The following FAM193A variants were observed in gnomAD, a reference collection of about 807,000 sequenced individuals.
The protein encoded by FAM193A is protein FAM193A.
FAM193A carries 22 observed loss-of-function variants against 126.5 expected under a neutral mutation model. The observed-to-expected ratio is 0.17, with a 90% CI of 0.12 to 0.25. The LOEUF (loss-of-function observed/expected upper bound fraction) is 0.25, where lower values mean the gene tolerates loss of function less well. Ranked by LOEUF, FAM193A falls within the 10% of genes least tolerant of loss-of-function variation. The probability of loss-of-function intolerance (pLI) is 1.00; values close to 1 mark genes in which losing one functional copy is unlikely to be tolerated. For synonymous variants in FAM193A, 761 were observed against 646.8 expected, an observed-to-expected ratio of 1.18 and a Z score of -2.68; for missense variants, 1,675 against 1,672.8, an observed-to-expected ratio of 1.00 and a Z score of -0.02.
intron 19 of FAM193A, among the ~76,000 whole-genome samples, chr4:2,702,744 G>T (rs1717879438): frequency 6.6e-6 from 1 of 152,174 alleles, no homozygotes. Flanking sequence ...ACAGGTAAAG[G>T]GTTCAGAAGT....
chr4:2,553,338 C>T (rs931654587), intron 1 of FAM193A, among the ~76,000 whole-genome samples: 4 of 151,518 alleles, frequency 2.6e-5, no homozygotes, highest in African/African-American at 7.3e-5. Flanking sequence ...AGCAAGATCC[C>T]GTCTCTAAAA....
intron 19 of FAM193A, among the ~76,000 whole-genome samples, chr4:2,706,896 G>A (rs1380820328): frequency 6.9e-6 from 1 of 145,142 alleles, no homozygotes; most frequent in East Asian, 2.0e-4. Flanking sequence ...CTGGGCAGGC[G>A]GATCACCTGA....
chr4:2,665,539 C>T (rs1322662931), intron 12 of FAM193A, among the ~76,000 whole-genome samples: 1 of 152,142 alleles, frequency 6.6e-6, no homozygotes, highest in Non-Finnish European at 1.5e-5. Flanking sequence ...AACAGAATCT[C>T]ACTCTGTCAC....
rs71178475 is a variant in FAM193A, at chr4:2,550,771, T to TTTTA, written c.255+13646_255+13649dup. Among the ~76,000 whole-genome samples the TTTTA allele has an allele frequency of 9.1e-3, 1,278 of 140,126 alleles. 10 individuals carry two copies. Among genetic ancestry groups the TTTTA allele is most frequent in the Middle Eastern group, 0.022 (6 of 274 alleles). The allele number at this position is 140,126 out of a possible 152,430, so 91.9% of individuals were successfully genotyped here. A position where few individuals can be genotyped will look rare whatever the true frequency, so the allele number is the denominator to read the frequency against. The stretch of plus-strand genomic sequence containing the variant: ...TTGTTTTTGTTTTTTCAATTTATAT[T>TTTTA]TTTATTTATTTATTTATTTATTTAT... On this transcript the variant is annotated intron_variant, in intron 1 of 20. Coordinates refer to ENST00000637812, the MANE Select transcript of FAM193A (RefSeq NM_001366318.2).
chr4:2,631,089 C>A lies in FAM193A; in HGVS notation c.958C>A (p.Gln320Lys). 1.9e-6 allele frequency: 3 copies of A among 1,613,914 alleles called. No homozygotes were observed. The highest frequency in any genetic ancestry group is 2.5e-6 in the Non-Finnish European group (3 of 1,180,002). Residue 320 changes from glutamine (Q) to lysine (K), a missense_variant, in exon 5 of 21, where the codon CAG becomes AAG. By Grantham distance (53) the Gln-to-Lys change is moderately conservative (BLOSUM62 1). Around this residue, in one of 4 missense-constraint regions of FAM193A, gnomAD observed 1,186 missense variants for 1,109.2 expected, o/e 1.07. Coordinates refer to ENST00000637812, the MANE Select transcript of FAM193A (RefSeq NM_001366318.2). ...SGLQGPPQAHQFISLLLEEYG... is the reference protein window; with the variant it reads ...SGLQGPPQAHKFISLLLEEYG... ...CCTGCAGGGCCCGCCGCAAGCGCACCAGTTCATCTCCCTCCTGCTTGAGGA... is the reference window on the plus strand; with the variant it reads ...CCTGCAGGGCCCGCCGCAAGCGCACAAGTTCATCTCCCTCCTGCTTGAGGA...
intron 1 of FAM193A, among the ~76,000 whole-genome samples, chr4:2,583,407 C>G (rs572844644): frequency 5.3e-5 from 8 of 152,204 alleles, no homozygotes; most frequent in Non-Finnish European, 1.0e-4. Flanking sequence ...TAGGTCTCTC[C>G]TGTCCCTCTC....
chr4:2,727,173 C>T (rs563551809), intron 20 of FAM193A, among the ~76,000 whole-genome samples: 206 of 152,042 alleles, frequency 1.4e-3, no homozygotes, highest in Admixed American at 2.8e-3. Flanking sequence ...GCAGGAGAAT[C>T]GCTTGAACCC....
rs1712631147 is a variant in FAM193A, at chr4:2,662,866, T to C, written c.1774T>C (p.Leu592=). 4 of 1,611,426 alleles carry C rather than the reference T, an allele frequency of 2.5e-6. No homozygotes were observed. The highest frequency in any genetic ancestry group is 3.4e-6 in the Non-Finnish European group (4 of 1,177,844). The part of the protein sequence containing the change: ...FCSDDEDVAP[L]SAKFADIYPL... ...TAGTGATGATGAAGATGTTGCACCA[T>C]TGTCAGCCAAATTTGCTGATATTTA... Residue 592 remains leucine, a synonymous_variant, in exon 11 of 21, where the codon TTG becomes CTG. Coordinates refer to ENST00000637812, the MANE Select transcript of FAM193A (RefSeq NM_001366318.2).
At chr4:2,694,486 C>G (rs1404440620) in intron 16 of FAM193A, among the ~76,000 whole-genome samples, 2 of 152,080 alleles carry the variant, frequency 1.3e-5, no homozygotes, top group African/African-American at 2.4e-5. Flanking sequence ...CCAGGCTGAT[C>G]TCGAACTCCT....
At chr4:2,728,895 A>ATTTTTTTTTTT (rs1491485597) in intron 20 of FAM193A, among the ~76,000 whole-genome samples, 4 of 105,710 alleles carry the variant, frequency 3.8e-5, no homozygotes, top group South Asian at 2.7e-4. Flanking sequence ...CACCTCCAAA[A>ATTTTTTTTTTT]CTTTTTTTTT....
chr4:2,694,959 G>A lies in FAM193A; in HGVS notation c.3106G>A (p.Glu1036Lys), dbSNP rs774536793. ...PPSVCSDPDC[E>K]GHRCENGVYD... ...GCGGTTTTGCAGTGACCCTGACTGCGAAGGGCACCGCTGCGAGAATGGTGT... is the reference window on the plus strand; with the variant it reads ...GCGGTTTTGCAGTGACCCTGACTGCAAAGGGCACCGCTGCGAGAATGGTGT... Residue 1036 changes from glutamate to lysine, a missense_variant, in exon 17 of 21, where the codon GAA becomes AAA. Glu to Lys is a moderately conservative substitution (Grantham distance 56). Around this residue, in one of 4 missense-constraint regions of FAM193A, gnomAD observed 1,186 missense variants for 1,109.2 expected, o/e 1.07. Transcript: ENST00000637812. The A allele has an allele frequency of 9.4e-6, 15 of 1,600,296 alleles. No individual in the cohort carries two copies. Among genetic ancestry groups the A allele is most frequent in the South Asian group, 6.8e-5 (6 of 88,314 alleles).
chr4:2,636,220 C>T (rs549627573), intron 5 of FAM193A, among the ~76,000 whole-genome samples: 4 of 151,956 alleles, frequency 2.6e-5, no homozygotes, highest in Admixed American at 6.6e-5. Context: ...GGTGCCACCA[C>T]GCCAGGCTAA....
At chr4:2,640,050 TAA>T (rs71938107) in intron 6 of FAM193A, among the ~76,000 whole-genome samples, 191 bp downstream of exon 6, 49,304 of 151,978 alleles carry the variant, frequency 0.32, 9,453 homozygotes, top group Admixed American at 0.52. Context: ...TTTTAAATGA[TAA>T]GTCAATATAA....
At chr4:2,543,316 T>C (rs559090971) in intron 1 of FAM193A, among the ~76,000 whole-genome samples, 2 of 151,978 alleles carry the variant, frequency 1.3e-5, no homozygotes, top group East Asian at 3.9e-4. Flanking sequence ...CTCGATCTCC[T>C]GACCTCGTGA....
At chr4:2,680,787 G>A (rs57644716) in intron 13 of FAM193A, among the ~76,000 whole-genome samples, 10 of 151,884 alleles carry the variant, frequency 6.6e-5, no homozygotes, top group South Asian at 2.1e-4. Flanking sequence ...GATTACAGGC[G>A]CCCACCACCA....
At chr4:2,717,723 C>T (rs1560611212) in intron 20 of FAM193A, among the ~76,000 whole-genome samples, 2 of 150,274 alleles carry the variant, frequency 1.3e-5, no homozygotes. Context: ...CACTTGCACT[C>T]TAGCCTGGGC....
At chr4:2,607,485 A>G (rs1440782842) in intron 2 of FAM193A, among the ~76,000 whole-genome samples, 1 of 152,124 alleles carries the variant, frequency 6.6e-6, no homozygotes, top group African/African-American at 2.4e-5. Context: ...TGAAAATCCT[A>G]TTTTGCTAGC....
chr4:2,636,935 T>C (rs899501673), intron 5 of FAM193A, among the ~76,000 whole-genome samples: 1 of 152,142 alleles, frequency 6.6e-6, no homozygotes, highest in Non-Finnish European at 1.5e-5. Context: ...AAATGCAACT[T>C]TACTGGAGAA....
chr4:2,654,987 A>G (rs1711520599), intron 7 of FAM193A: 1 of 577,798 alleles, frequency 1.7e-6, no homozygotes, highest in Non-Finnish European at 3.2e-6. Context: ...AAATCACGGT[A>G]TCTTCTACAA....
Sources: allele counts gnomAD v4.1 joint callset (sites outside exome capture counted in the v4.1 genomes callset), GRCh38; gene constraint gnomAD v4.1.1; regional missense constraint gnomAD v4.1.1; transcripts MANE v1.5; gene names NCBI Gene and HGNC (gene_info 2026-07-23, HGNC 2026-07-21).